The following PEBP4 variants were observed in gnomAD, a reference collection of about 807,000 sequenced individuals.
The protein encoded by PEBP4 is phosphatidylethanolamine binding protein 4, also known as phosphatidylethanolamine-binding protein 4.
Under a neutral mutation model 23.9 loss-of-function variants are expected in PEBP4, and 22 were observed. The ratio of observed to expected loss-of-function variants is 0.92; its 90% CI spans 0.66 to 1.31. The LOEUF is 1.31. Ranked by LOEUF, PEBP4 falls within the 40% of genes most tolerant of loss-of-function variation. PEBP4 has a pLI of 0.00. For synonymous variants in PEBP4, 112 were observed against 99.3 expected, an observed-to-expected ratio of 1.13 and a Z score of -0.76; for missense variants, 324 against 281.7, an observed-to-expected ratio of 1.15 and a Z score of -1.07.
intron 3 of PEBP4, among the ~76,000 whole-genome samples, chr8:22,837,416 T>G (rs181207796): frequency 6.6e-6 from 1 of 152,240 alleles, no homozygotes; most frequent in East Asian, 1.9e-4. Flanking sequence ...ATGAGGTGAG[T>G]GGCTGCAGCA....
At chr8:22,800,312 G>C (rs542849768) in intron 4 of PEBP4, among the ~76,000 whole-genome samples, 2 of 151,872 alleles carry the variant, frequency 1.3e-5, no homozygotes, top group African/African-American at 4.8e-5. Flanking sequence ...TTAAGAGTTG[G>C]GACACCTTGA....
intron 4 of PEBP4, among the ~76,000 whole-genome samples, 190 bp downstream of exon 4, chr8:22,817,447 C>T (rs1428406976): frequency 2.0e-5 from 3 of 152,196 alleles, no homozygotes; most frequent in Non-Finnish European, 2.9e-5. Context: ...TACCAGCATA[C>T]CACTGGCCCT....
chr8:22,729,975 A>G (rs1294658718), intron 4 of PEBP4, among the ~76,000 whole-genome samples: 5 of 152,262 alleles, frequency 3.3e-5, no homozygotes, highest in African/African-American at 1.2e-4. Flanking sequence ...AAGGTGAGAG[A>G]GTTGGGCTCC....
chr8:22,736,355 A>G (rs1563198888), intron 4 of PEBP4, among the ~76,000 whole-genome samples: 1 of 152,310 alleles, frequency 6.6e-6, no homozygotes, highest in East Asian at 1.9e-4. Context: ...CTGTAATCCC[A>G]GCAGTTTGGG....
intron 4 of PEBP4, 61 bp from the exon 5 acceptor site, chr8:22,727,281 G>C (rs919732503): frequency 6.5e-7 from 1 of 1,539,934 alleles, no homozygotes; most frequent in South Asian, 1.1e-5. Context: ...GGCCACGTGG[G>C]CTCTGCGGGA....
At chr8:22,920,422 T>A in intron 2 of PEBP4, 112 bp from the exon 3 acceptor site, 61 of 1,221,440 alleles carry the variant, frequency 5.0e-5, no homozygotes, top group East Asian at 2.6e-4. Context: ...GATCAAATCC[T>A]AAACCTGCCA....
chr8:22,879,286 A>G (rs1448970605), intron 3 of PEBP4: 1 of 152,218 alleles, frequency 6.6e-6, no homozygotes, highest in Admixed American at 6.5e-5. Flanking sequence ...TGCCTATCCC[A>G]CCAGGCCGTG....
intron 3 of PEBP4, among the ~76,000 whole-genome samples, chr8:22,898,269 G>A (rs1032668889): frequency 2.6e-5 from 4 of 151,670 alleles, no homozygotes; most frequent in Non-Finnish European, 4.4e-5. Flanking sequence ...GTGGGTGCCT[G>A]TGATCCCAGC....
intron 3 of PEBP4, among the ~76,000 whole-genome samples, chr8:22,910,257 TG>T (rs1420447797): frequency 2.6e-5 from 4 of 152,202 alleles, no homozygotes; most frequent in Non-Finnish European, 5.9e-5. Flanking sequence ...TAAAAAGGAT[TG>T]TCATGATAGG....
rs371027752 is a variant in PEBP4 at position 22,919,456 on chromosome 8, C to T, written c.258+728G>A. Among the ~76,000 whole-genome samples the T allele has an allele frequency of 5.3e-4, 81 of 152,242 alleles. No homozygotes were observed. In the South Asian group the frequency reaches 0.016, roughly 30 times the overall value. Reference sequence around the variant, plus strand: ...GCCCAGGAGTCAAGAAATAAAGAAGCGGAGACCAGAAGGCCAGATCAGCTT... The same window carrying T: ...GCCCAGGAGTCAAGAAATAAAGAAGTGGAGACCAGAAGGCCAGATCAGCTT... On this transcript the variant is annotated intron_variant, in intron 3 of 6. Coordinates refer to ENST00000256404, the MANE Select transcript of PEBP4 (RefSeq NM_144962.3).
chr8:22,919,844 C>T (rs1036430402), intron 3 of PEBP4, among the ~76,000 whole-genome samples: 1 of 152,192 alleles, frequency 6.6e-6, no homozygotes, highest in Non-Finnish European at 1.5e-5. Context: ...CACTTATCTG[C>T]CAACTCCAAA....
chr8:22,791,554 G>A (rs763376977), intron 4 of PEBP4, among the ~76,000 whole-genome samples: 1 of 151,862 alleles, frequency 6.6e-6, no homozygotes, highest in Non-Finnish European at 1.5e-5. Context: ...CTGTGCGTTC[G>A]CGCGTGCTTG....
chr8:22,907,756 C>G (rs1161028587), intron 3 of PEBP4, among the ~76,000 whole-genome samples: 1 of 152,198 alleles, frequency 6.6e-6, no homozygotes, highest in East Asian at 1.9e-4. Context: ...CTCACTCTGA[C>G]TGCCTGGCTG....
chr8:22,737,666 A>G (rs1585244176), intron 4 of PEBP4, among the ~76,000 whole-genome samples: 1 of 152,182 alleles, frequency 6.6e-6, no homozygotes, highest in African/African-American at 2.4e-5. Context: ...AGCATCTAAC[A>G]CAGCCATTCT....
At chr8:22,779,103 C>G (rs888344238) in intron 4 of PEBP4, among the ~76,000 whole-genome samples, 1 of 151,706 alleles carries the variant, frequency 6.6e-6, no homozygotes, top group Non-Finnish European at 1.5e-5. Context: ...ATGGGGTTTC[C>G]TCACCAAGTC....
At chr8:22,909,753 ATCTT>A (rs1808896969) in intron 3 of PEBP4, among the ~76,000 whole-genome samples, 1 of 152,158 alleles carries the variant, frequency 6.6e-6, no homozygotes, top group African/African-American at 2.4e-5. Flanking sequence ...AGCAGTGGGA[ATCTT>A]TCTGTGCCTC....
intron 4 of PEBP4, among the ~76,000 whole-genome samples, chr8:22,758,409 T>G (rs1280092999): frequency 6.6e-6 from 1 of 152,236 alleles, no homozygotes; most frequent in Non-Finnish European, 1.5e-5. Context: ...CTTTGTTTGT[T>G]TCTTTTCTTA....
At chr8:22,923,298 G>T (rs1809251558) in intron 2 of PEBP4, among the ~76,000 whole-genome samples, 1 of 152,142 alleles carries the variant, frequency 6.6e-6, no homozygotes, top group Non-Finnish European at 1.5e-5. Context: ...TGGGCGTGGT[G>T]GCTCAAGCCT....
chr8:22,826,564 C>T (rs960358807), intron 3 of PEBP4, among the ~76,000 whole-genome samples: 1 of 152,142 alleles, frequency 6.6e-6, no homozygotes, highest in Non-Finnish European at 1.5e-5. Flanking sequence ...GAGTGGAAAA[C>T]TTCGTAACTG....
Sources: allele counts gnomAD v4.1 joint callset (sites outside exome capture counted in the v4.1 genomes callset), GRCh38; gene constraint gnomAD v4.1.1; transcripts MANE v1.5; gene names NCBI Gene and HGNC (gene_info 2026-07-23, HGNC 2026-07-21).